Variants in ARHGAP28 observed in about 807,000 individuals in gnomAD.
ARHGAP28 encodes rho GTPase-activating protein 28.
In ARHGAP28, 56 loss-of-function variants were observed where a neutral mutation model predicts 90.7. The ratio of observed to expected loss-of-function variants is 0.62; its 90% confidence interval spans 0.50 to 0.77. The LOEUF (loss-of-function observed/expected upper bound fraction) is 0.77, where lower values mean the gene tolerates loss of function less well. ARHGAP28 is among the 30% of genes least tolerant of loss of function. ARHGAP28 has a pLI of 0.00. For missense variants in ARHGAP28, 869 were observed against 900.9 expected, an observed-to-expected ratio of 0.96 and a Z score of 0.45; for synonymous variants, 308 against 323.3, an observed-to-expected ratio of 0.95 and a Z score of 0.51.
intron 14 of ARHGAP28, among the ~76,000 whole-genome samples, chr18:6,890,926 G>A (rs2057260519): frequency 6.6e-6 from 1 of 151,852 alleles, no homozygotes; most frequent in African/African-American, 2.4e-5. Flanking sequence ...TGATTGGTTA[G>A]TAAAGGAATA....
At position 6,890,079 on chromosome 18, in the gene ARHGAP28, G is replaced by T. The variant is rs769823979; in HGVS notation, c.1728G>T (p.Leu576Phe). The change falls in exon 13 of 18, where the codon TTG becomes TTT. Residue 576 changes from leucine (L) to phenylalanine (F), a missense_variant. Physicochemically the swap from Leu to Phe is conservative, Grantham distance 22. Transcript: ENST00000383472. ...TAATGCTTAAGTACCAGAAGATTTT[G>T]TGGAAGGTGAGTGACATAGTGATGA... is the stretch of plus-strand genomic sequence containing the variant. ...IRLMLKYQKI[L>F]WKVPSFLITQ... 6.2e-7 allele frequency: 1 copy of T among 1,614,128 alleles called. No individual in the cohort carries two copies. The highest frequency in any genetic ancestry group is 8.5e-7 in the Non-Finnish European group (1 of 1,180,008).
At chr18:6,871,738 T>C (rs541521905) in intron 7 of ARHGAP28, among the ~76,000 whole-genome samples, 4 of 152,240 alleles carry the variant, frequency 2.6e-5, no homozygotes, top group African/African-American at 9.6e-5. Context: ...AACTGAGTCA[T>C]GCAGAAACAG....
chr18:6,827,833 G>C (rs1241755237), intron 2 of ARHGAP28, among the ~76,000 whole-genome samples: 2 of 151,922 alleles, frequency 1.3e-5, no homozygotes, highest in Non-Finnish European at 2.9e-5. Context: ...ATGGGGTCGC[G>C]GCCGGACAGA....
At chr18:6,873,294 T>A in intron 7 of ARHGAP28, 115 bp from the exon 8 acceptor site, 1 of 856,148 alleles carries the variant, frequency 1.2e-6, no homozygotes, top group Non-Finnish European at 1.8e-6. Context: ...CTTAGAGATG[T>A]TTTCCAAAGA....
intron 17 of ARHGAP28, among the ~76,000 whole-genome samples, chr18:6,910,103 C>G (rs2143872752): frequency 6.6e-6 from 1 of 152,280 alleles, no homozygotes; most frequent in East Asian, 1.9e-4. Flanking sequence ...AGCACTTCAC[C>G]AGAATCACCC....
At chr18:6,811,859 A>T (rs1474930551) in intron 1 of ARHGAP28, among the ~76,000 whole-genome samples, 1 of 152,154 alleles carries the variant, frequency 6.6e-6, no homozygotes, top group Non-Finnish European at 1.5e-5. Context: ...TTGTCAATGA[A>T]TTAATATCAA....
intron 11 of ARHGAP28, among the ~76,000 whole-genome samples, chr18:6,886,615 C>A (rs571011947): frequency 6.3e-4 from 96 of 152,310 alleles, no homozygotes; most frequent in African/African-American, 2.3e-3. Context: ...TGTATTAACT[C>A]ATTTAATCCT....
In ARHGAP28 at chr18:6,853,800, C is replaced by T. The variant is rs146988356; in HGVS notation, c.636+2674C>T. 1.8e-3 allele frequency among the ~76,000 whole-genome samples: 270 copies of T among 152,226 alleles called. 2 individuals carry two copies. The highest frequency in any genetic ancestry group is 6.3e-3 in the African/African-American group (263 of 41,544). ...CATTCAGAAAATTTTTAAATCTACC[C>T]ATGACCTGGAAGCCCTACTTCAAGT... On this transcript the variant is annotated intron_variant, in intron 4 of 17. Transcript: ENST00000383472.
chr18:6,864,852 A>T (rs1253635474), intron 5 of ARHGAP28, among the ~76,000 whole-genome samples: 1 of 149,476 alleles, frequency 6.7e-6, no homozygotes, highest in African/African-American at 2.5e-5. Context: ...GCCCAGCTAA[A>T]TTTTTTTTTT....
intron 1 of ARHGAP28, among the ~76,000 whole-genome samples, chr18:6,767,924 C>T (rs1277978053): frequency 6.6e-6 from 1 of 152,132 alleles, no homozygotes; most frequent in Non-Finnish European, 1.5e-5. Flanking sequence ...CCCATCCTAG[C>T]ACTCCAGTAC....
chr18:6,782,584 A>ATTTTT (rs1567945676), intron 1 of ARHGAP28, among the ~76,000 whole-genome samples: 16 of 71,296 alleles, frequency 2.2e-4, no homozygotes, highest in African/African-American at 5.7e-4. Context: ...CGCCCAGCTA[A>ATTTTT]TTTTTGTATT....
intron 10 of ARHGAP28, among the ~76,000 whole-genome samples, chr18:6,880,720 T>C (rs1433119527): frequency 6.6e-6 from 1 of 152,178 alleles, no homozygotes; most frequent in Admixed American, 6.5e-5. Flanking sequence ...CCTGTAATCC[T>C]CAAGACTTGC....
intron 2 of ARHGAP28, among the ~76,000 whole-genome samples, chr18:6,827,847 A>G (rs1388614778): frequency 4.1e-5 from 6 of 144,762 alleles, no homozygotes; most frequent in Admixed American, 2.8e-4. Flanking sequence ...GGACAGAGGC[A>G]CTCCCCACAT....
intron 11 of ARHGAP28, 100 bp downstream of exon 11, chr18:6,882,399 G>T (rs1325675290): frequency 3.3e-6 from 4 of 1,205,344 alleles, no homozygotes; most frequent in Non-Finnish European, 4.6e-6. Context: ...GTATAGATTT[G>T]CTGTGTCCTG....
chr18:6,772,389 G>A (rs148736853), intron 1 of ARHGAP28, among the ~76,000 whole-genome samples: 4 of 152,198 alleles, frequency 2.6e-5, no homozygotes, highest in African/African-American at 9.6e-5. Flanking sequence ...ATAGAAAAAC[G>A]GTACAGACAG....
intron 1 of ARHGAP28, among the ~76,000 whole-genome samples, chr18:6,764,553 A>G (rs1187625749): frequency 2.6e-5 from 4 of 152,156 alleles, no homozygotes; most frequent in Non-Finnish European, 5.9e-5. Flanking sequence ...TGGCCCTGAC[A>G]TTGTTGTAAT....
At chr18:6,859,398 C>T (rs1201452229) in intron 4 of ARHGAP28, among the ~76,000 whole-genome samples, 1 of 152,158 alleles carries the variant, frequency 6.6e-6, no homozygotes, top group Non-Finnish European at 1.5e-5. Flanking sequence ...GTGGTCCTGT[C>T]ATGAGCATGT....
At chr18:6,777,283 G>A (rs7506385) in intron 1 of ARHGAP28, among the ~76,000 whole-genome samples, 100,544 of 152,098 alleles carry the variant, frequency 0.66, 35,580 homozygotes, top group African/African-American at 0.91. Context: ...AATGACAAGT[G>A]TGTAATGATG....
intron 1 of ARHGAP28, among the ~76,000 whole-genome samples, chr18:6,753,766 G>C (rs1255087960): frequency 1.3e-5 from 2 of 152,164 alleles, no homozygotes; most frequent in Admixed American, 6.5e-5. Context: ...CGATTCTCTA[G>C]TAGCGTTTCA....
Sources: allele counts gnomAD v4.1 joint callset (sites outside exome capture counted in the v4.1 genomes callset), GRCh38; gene constraint gnomAD v4.1.1; transcripts MANE v1.5; gene names NCBI Gene and HGNC (gene_info 2026-07-23, HGNC 2026-07-21).